SIPA1L1: variants seen among roughly 807,000 people sequenced by gnomAD.
SIPA1L1 encodes signal-induced proliferation-associated 1-like protein 1.
SIPA1L1 carries 26 observed loss-of-function variants against 162.7 expected under a neutral mutation model. The ratio of observed to expected loss-of-function variants is 0.16; its 90% CI spans 0.12 to 0.22. The LOEUF (loss-of-function observed/expected upper bound fraction) is 0.22. Ranked by LOEUF, SIPA1L1 falls within the 10% of genes least tolerant of loss-of-function variation. The pLI, the probability that SIPA1L1 is intolerant of heterozygous loss-of-function variation, is 1.00. For synonymous variants in SIPA1L1, 829 were observed against 837.4 expected, an observed-to-expected ratio of 0.99 and a Z score of 0.17; for missense variants, 1,874 against 2,241.0, an observed-to-expected ratio of 0.84 and a Z score of 3.31.
intron 14 of SIPA1L1, among the ~76,000 whole-genome samples, chr14:71,700,607 C>T (rs1201954253): frequency 6.6e-6 from 1 of 152,128 alleles, no homozygotes; most frequent in African/African-American, 2.4e-5. Context: ...ATAAGTGCTA[C>T]ATCAGTATGT....
chr14:71,381,300 C>T (rs1267822388), intron 2 of SIPA1L1, among the ~76,000 whole-genome samples: 1 of 152,140 alleles, frequency 6.6e-6, no homozygotes, highest in African/African-American at 2.4e-5. Context: ...GATCCGCCCT[C>T]CTTGTCCTCC....
intron 2 of SIPA1L1, among the ~76,000 whole-genome samples, chr14:71,364,900 C>T (rs2038142164): frequency 6.6e-6 from 1 of 151,862 alleles, no homozygotes; most frequent in Non-Finnish European, 1.5e-5. Context: ...CGCATGCCAC[C>T]ACACCCAGCT....
Position 71,654,493 on chromosome 14 carries a change from G to C in SIPA1L1, c.1994-3840G>C, listed in dbSNP as rs77673563. On this transcript the variant is annotated intron_variant, in intron 8 of 23. Transcript: ENST00000381232. The stretch of plus-strand genomic sequence containing the variant: ...TCAGTACACAGGAGACTTAGAAGCC[G>C]TTTGTAAAAGCTTTCCTTCAAAGCC... Among the ~76,000 whole-genome samples, 1,424 of 152,276 alleles carry C rather than the reference G, an allele frequency of 9.4e-3. 19 individuals are homozygous for C. Among genetic ancestry groups the C allele is most frequent in the African/African-American group, 0.028 (1,162 of 41,550 alleles).
At chr14:71,646,408 C>A (rs529133950) in intron 7 of SIPA1L1, among the ~76,000 whole-genome samples, 1 of 152,300 alleles carries the variant, frequency 6.6e-6, no homozygotes, top group Admixed American at 6.5e-5. Context: ...AATCTCCTGA[C>A]CTCATGAGCC....
rs2082916759 is a variant in SIPA1L1 at position 71,712,123 on chromosome 14, A to G, written c.4208+2459A>G. Among the ~76,000 whole-genome samples the G allele has an allele frequency of 2.6e-5, 4 of 152,220 alleles. No homozygotes were observed. In the South Asian group the frequency reaches 8.3e-4, roughly 31 times the overall value. ...AAGACAGGAACAGCAATTAATGTAG[A>G]GATATCTTGACAGTGCTTAAAAGAG... On this transcript the variant is annotated intron_variant, in intron 17 of 23. Transcript: ENST00000381232.
At chr14:71,610,626 A>C (rs967632887) in intron 5 of SIPA1L1, among the ~76,000 whole-genome samples, 4 of 152,172 alleles carry the variant, frequency 2.6e-5, no homozygotes, top group Non-Finnish European at 4.4e-5. Flanking sequence ...GCTAATCTTC[A>C]TCCTCTCTTT....
intron 4 of SIPA1L1, among the ~76,000 whole-genome samples, chr14:71,584,996 C>A (rs1189607873): frequency 1.3e-5 from 2 of 152,148 alleles, no homozygotes; most frequent in Non-Finnish European, 2.9e-5. Flanking sequence ...ATTGATCTGT[C>A]ATCATATGAT....
chr14:71,578,038 G>A (rs1264694749), intron 4 of SIPA1L1, among the ~76,000 whole-genome samples: 1 of 151,884 alleles, frequency 6.6e-6, no homozygotes, highest in Non-Finnish European at 1.5e-5. Flanking sequence ...AGCCTCCCAA[G>A]TACCTCGGAT....
At chr14:71,646,082 T>C (rs2042130945) in intron 7 of SIPA1L1, among the ~76,000 whole-genome samples, 1 of 152,176 alleles carries the variant, frequency 6.6e-6, no homozygotes, top group African/African-American at 2.4e-5. Context: ...TATTCACATC[T>C]CTTTCTTCTG....
chr14:71,582,087 C>G (rs1395963368), intron 4 of SIPA1L1, among the ~76,000 whole-genome samples: 1 of 152,168 alleles, frequency 6.6e-6, no homozygotes, highest in African/African-American at 2.4e-5. Flanking sequence ...TGGCTTACTC[C>G]TGTAATCTCA....
chr14:71,349,885 G>A (rs936486585), intron 2 of SIPA1L1, among the ~76,000 whole-genome samples: 3 of 152,170 alleles, frequency 2.0e-5, no homozygotes, highest in African/African-American at 7.2e-5. Context: ...AATATAGGCA[G>A]AGTGCCTAGG....
intron 7 of SIPA1L1, among the ~76,000 whole-genome samples, chr14:71,626,254 C>T (rs1368880606): frequency 6.6e-6 from 1 of 152,120 alleles, no homozygotes; most frequent in African/African-American, 2.4e-5. Context: ...TTAAATATGT[C>T]ATCCCGTTCA....
intron 2 of SIPA1L1, among the ~76,000 whole-genome samples, chr14:71,464,712 G>T (rs1440327216): frequency 3.3e-5 from 5 of 151,918 alleles, no homozygotes; most frequent in African/African-American, 1.2e-4. Context: ...CATTAAATTC[G>T]GCTTGATCCA....
At chr14:71,400,048 C>A (rs1267727566) in intron 2 of SIPA1L1, among the ~76,000 whole-genome samples, 1 of 151,802 alleles carries the variant, frequency 6.6e-6, no homozygotes, top group East Asian at 1.9e-4. Flanking sequence ...TGGTCTCAAA[C>A]TCCTGGGCTC....
intron 4 of SIPA1L1, among the ~76,000 whole-genome samples, chr14:71,564,500 T>TTTTTTTTTTTTTTC (rs1567213379): frequency 6.9e-6 from 1 of 145,854 alleles, no homozygotes; most frequent in Non-Finnish European, 1.5e-5. Context: ...CTTTTTTTTT[T>TTTTTTTTTTTTTTC]TCCGAGACAG....
chr14:71,388,864 C>T (rs542194304), intron 2 of SIPA1L1, among the ~76,000 whole-genome samples: 1 of 152,294 alleles, frequency 6.6e-6, no homozygotes, highest in African/African-American at 2.4e-5. Context: ...CATTGAAGAA[C>T]TTTCTGAGGT....
At chr14:71,382,561 T>C (rs921358394) in intron 2 of SIPA1L1, among the ~76,000 whole-genome samples, 24 of 152,250 alleles carry the variant, frequency 1.6e-4, no homozygotes, top group Non-Finnish European at 3.2e-4. Context: ...GTTGTCGGTC[T>C]CTTTAAGAAC....
chr14:71,481,454 C>T (rs1465363549), intron 2 of SIPA1L1, among the ~76,000 whole-genome samples: 1 of 151,940 alleles, frequency 6.6e-6, no homozygotes, highest in Non-Finnish European at 1.5e-5. Flanking sequence ...ACACCAGTTG[C>T]ATTCTAGCCT....
intron 9 of SIPA1L1, 117 bp downstream of exon 9, chr14:71,658,553 G>A (rs909942311): frequency 3.1e-5 from 22 of 710,908 alleles, no homozygotes; most frequent in Admixed American, 1.9e-4. Flanking sequence ...TCACAGCAGC[G>A]GGAAGCTTTG....
Sources: gnomAD v4.1 joint callset for allele counts (sites outside exome capture counted in the v4.1 genomes callset) on GRCh38, gnomAD v4.1.1 for gene constraint, MANE v1.5 for transcripts, NCBI Gene and HGNC (gene_info 2026-07-23, HGNC 2026-07-21) for gene names.